ATXN1: variants seen among roughly 807,000 people sequenced by gnomAD.
The protein encoded by ATXN1 is ataxin-1.
A neutral mutation model predicts 56.4 loss-of-function variants in ATXN1; 8 were observed. That is an observed-to-expected ratio of 0.14 (90% confidence interval 0.08 to 0.26). The LOEUF (loss-of-function observed/expected upper bound fraction) is 0.26, where lower values mean the gene tolerates loss of function less well. Among genes scored for constraint, ATXN1 ranks in the 10% least tolerant of loss-of-function variants. The pLI is 1.00. For missense variants in ATXN1, 987 were observed against 1,106.5 expected (o/e 0.89, Z 1.53); for synonymous variants, 514 against 494.6 (o/e 1.04, Z -0.52).
At chr6:16,566,713 G>A (rs1216714446) in intron 4 of ATXN1, among the ~76,000 whole-genome samples, 8 of 151,962 alleles carry the variant, frequency 5.3e-5, no homozygotes, top group Non-Finnish European at 1.0e-4. Context: ...AAAATTAGCC[G>A]GGCATGGTGG....
chr6:16,538,327 A>C (rs1177369321), intron 4 of ATXN1, among the ~76,000 whole-genome samples: 2 of 152,244 alleles, frequency 1.3e-5, no homozygotes, highest in Admixed American at 1.3e-4. Context: ...AGCACAAAGC[A>C]CTTAGAGCAG....
intron 4 of ATXN1, among the ~76,000 whole-genome samples, chr6:16,541,405 T>C (rs960376276): frequency 2.0e-5 from 3 of 152,146 alleles, no homozygotes; most frequent in Non-Finnish European, 4.4e-5. Context: ...AGCTTGAGCG[T>C]CTCTTTCTGT....
At chr6:16,671,309 CTTTT>C (rs1004376884) in intron 2 of ATXN1, among the ~76,000 whole-genome samples, 3 of 29,704 alleles carry the variant, frequency 1.0e-4, no homozygotes, top group Admixed American at 7.9e-4. Flanking sequence ...TCTTTTCTTT[CTTTT>C]TTTTTTTTTT....
At chr6:16,339,169 C>T (rs1354535757) in intron 6 of ATXN1, among the ~76,000 whole-genome samples, 2 of 152,176 alleles carry the variant, frequency 1.3e-5, no homozygotes, top group African/African-American at 2.4e-5. Context: ...CCACACAACA[C>T]GATGCAAAGC....
chr6:16,354,951 C>G (rs1761655144), intron 6 of ATXN1, among the ~76,000 whole-genome samples: 1 of 152,240 alleles, frequency 6.6e-6, no homozygotes, highest in African/African-American at 2.4e-5. Flanking sequence ...GAGGCCCTGA[C>G]AGCTGCACAC....
intron 6 of ATXN1, among the ~76,000 whole-genome samples, chr6:16,346,245 G>A (rs1761385173): frequency 6.6e-6 from 1 of 152,034 alleles, no homozygotes; most frequent in African/African-American, 2.4e-5. Flanking sequence ...TTTCAGACAG[G>A]GTTATATCAT....
chr6:16,443,983 G>A (rs1051045093), intron 6 of ATXN1, among the ~76,000 whole-genome samples: 1 of 152,090 alleles, frequency 6.6e-6, no homozygotes, highest in South Asian at 2.1e-4. Context: ...AGGCGTGGTG[G>A]CGGGCGCCTG....
chr6:16,674,914 G>A (rs1241828187), intron 2 of ATXN1, among the ~76,000 whole-genome samples: 1 of 152,174 alleles, frequency 6.6e-6, no homozygotes, highest in Non-Finnish European at 1.5e-5. Context: ...ACAAACATGT[G>A]AAAAGATCCT....
intron 2 of ATXN1, among the ~76,000 whole-genome samples, chr6:16,689,500 C>CT (rs150019337): frequency 3.2e-4 from 42 of 131,376 alleles, no homozygotes; most frequent in African/African-American, 1.2e-3. Flanking sequence ...TTTTTCCTTC[C>CT]TTTTTTTTTC....
intron 6 of ATXN1, among the ~76,000 whole-genome samples, chr6:16,379,283 G>T (rs1762204595): frequency 6.6e-6 from 1 of 152,152 alleles, no homozygotes; most frequent in Admixed American, 6.5e-5. Flanking sequence ...TGGGGAGAGG[G>T]ATAAAAGACT....
At chr6:16,754,256 C>T (rs1432257744) in intron 1 of ATXN1, among the ~76,000 whole-genome samples, 3 of 151,942 alleles carry the variant, frequency 2.0e-5, no homozygotes, top group Non-Finnish European at 4.4e-5. Context: ...TAAAATCATC[C>T]CCAAACTAGT....
intron 4 of ATXN1, among the ~76,000 whole-genome samples, chr6:16,525,336 AG>A (rs1280357473): frequency 6.6e-6 from 1 of 152,218 alleles, no homozygotes; most frequent in African/African-American, 2.4e-5. Context: ...AATATTATTC[AG>A]CCATAAAAAA....
At chr6:16,454,123 CTCAAAAAAAAA>C (rs757013542) in intron 6 of ATXN1, among the ~76,000 whole-genome samples, 10,138 of 73,392 alleles carry the variant, frequency 0.14, 449 homozygotes, top group Admixed American at 0.27. Flanking sequence ...GAGACTCTGT[CTCAAAAAAAAA>C]AAAAAAAAAA....
intron 4 of ATXN1, among the ~76,000 whole-genome samples, chr6:16,551,857 A>G (rs1041783531): frequency 1.3e-5 from 2 of 152,220 alleles, no homozygotes; most frequent in African/African-American, 4.8e-5. Flanking sequence ...TGAAAATTTG[A>G]CATTTCCCTT....
chr6:16,330,001 G>A (rs1760942420), intron 6 of ATXN1, among the ~76,000 whole-genome samples: 2 of 152,208 alleles, frequency 1.3e-5, no homozygotes, highest in Admixed American at 6.5e-5. Flanking sequence ...CTGTGGGATT[G>A]GGCTTTGGGA....
At chr6:16,349,466 G>A (rs1356137286) in intron 6 of ATXN1, among the ~76,000 whole-genome samples, 3 of 151,700 alleles carry the variant, frequency 2.0e-5, no homozygotes, top group Non-Finnish European at 4.4e-5. Flanking sequence ...TCATGCCACT[G>A]CACTCCAGCC....
At chr6:16,609,969 TC>T (rs1763075456) in intron 3 of ATXN1, among the ~76,000 whole-genome samples, 1 of 151,936 alleles carries the variant, frequency 6.6e-6, no homozygotes, top group South Asian at 2.1e-4. Context: ...TGACTGATTT[TC>T]CAAAGTATTA....
At chr6:16,348,019 G>A (rs908898279) in intron 6 of ATXN1, among the ~76,000 whole-genome samples, 2 of 152,184 alleles carry the variant, frequency 1.3e-5, no homozygotes, top group Middle Eastern at 3.2e-3. Flanking sequence ...AGGGAGGAAT[G>A]AACAACTCCA....
chr6:16,373,781 C>A (rs139812958), intron 6 of ATXN1, among the ~76,000 whole-genome samples: 4,069 of 152,292 alleles, frequency 0.027, 165 homozygotes, highest in African/African-American at 0.087. Flanking sequence ...TCCCCAGCCA[C>A]GTGGAACTGT....
Sources: gnomAD v4.1 joint callset for allele counts (sites outside exome capture counted in the v4.1 genomes callset) on GRCh38, gnomAD v4.1.1 for gene constraint, MANE v1.5 for transcripts, NCBI Gene and HGNC (gene_info 2026-07-23, HGNC 2026-07-21) for gene names.